PIP5K1C: variants seen among roughly 807,000 people sequenced by gnomAD.
PIP5K1C encodes the protein phosphatidylinositol 4-phosphate 5-kinase type-1 gamma.
Under a neutral mutation model 80.1 loss-of-function variants are expected in PIP5K1C, and 45 were observed. That is an observed-to-expected ratio of 0.56 (90% CI 0.44 to 0.72). The LOEUF is 0.72. PIP5K1C is among the 30% of genes least tolerant of loss of function. The pLI, the probability that PIP5K1C is intolerant of heterozygous loss-of-function variation, is 0.00. For missense variants in PIP5K1C, 753 were observed against 954.6 expected (o/e 0.79, Z 2.78); for synonymous variants, 498 against 420.1 (o/e 1.19, Z -2.27).
chr19:3,662,149 T>G, intron 3 of PIP5K1C, 148 bp from the exon 4 acceptor site: 1 of 976,864 alleles, frequency 1.0e-6, no homozygotes, highest in Non-Finnish European at 1.5e-6. Context: ...CGGGGCTGCC[T>G]GTCCTGCGGC....
chr19:3,685,813 G>T (rs894416968), intron 1 of PIP5K1C, among the ~76,000 whole-genome samples: 4 of 152,130 alleles, frequency 2.6e-5, no homozygotes, highest in Non-Finnish European at 5.9e-5. Flanking sequence ...TACAACCGCA[G>T]TGTGGAGGAG....
At chr19:3,660,876 C>T in intron 5 of PIP5K1C, 90 bp downstream of exon 5, 1 of 996,222 alleles carries the variant, frequency 1.0e-6, no homozygotes, top group Non-Finnish European at 1.6e-6. Context: ...CCCAGGGAGG[C>T]TGCCCCCAAA....
intron 5 of PIP5K1C, among the ~76,000 whole-genome samples, chr19:3,660,661 A>G (rs1432133265): frequency 6.6e-6 from 1 of 152,120 alleles, no homozygotes; most frequent in Non-Finnish European, 1.5e-5. Flanking sequence ...AGAAGACTAT[A>G]CCAACTGTTT....
In PIP5K1C at chr19:3,687,499, G is replaced by A. The variant is rs193248981; in HGVS notation, c.94+12798C>T. The stretch of plus-strand genomic sequence containing the variant: ...GAAGGGGACACAGACGCACATACAC[G>A]CACACATGCACATACATGCACACAT... On this transcript the variant is annotated intron_variant, in intron 1 of 17. Coordinates refer to ENST00000335312, the MANE Select transcript of PIP5K1C (RefSeq NM_012398.3). Among the ~76,000 whole-genome samples, 1,237 of 151,132 alleles carry A rather than the reference G, an allele frequency of 8.2e-3. 17 individuals are homozygous for A. Among genetic ancestry groups the A allele is most frequent in the African/African-American group, 0.028 (1,146 of 40,634 alleles).
chr19:3,645,455 C>G (rs531171053), intron 11 of PIP5K1C, among the ~76,000 whole-genome samples: 2 of 152,198 alleles, frequency 1.3e-5, no homozygotes, highest in African/African-American at 4.8e-5. Flanking sequence ...GGACCTCCCC[C>G]GGGCACCCTG....
chr19:3,700,267 G>A (rs2036255907), intron 1 of PIP5K1C, 30 bp downstream of exon 1: 4 of 1,179,596 alleles, frequency 3.4e-6, no homozygotes, highest in Admixed American at 3.9e-5. Flanking sequence ...GAGCCCAGCG[G>A]GCCGCAGCCC....
At chr19:3,634,473 C>G (rs1052343592) in intron 16 of PIP5K1C, among the ~76,000 whole-genome samples, 3 of 152,220 alleles carry the variant, frequency 2.0e-5, no homozygotes, top group Non-Finnish European at 2.9e-5. Context: ...GGCCTGGCCT[C>G]GGCCTGAAGT....
intron 1 of PIP5K1C, among the ~76,000 whole-genome samples, chr19:3,676,974 C>A (rs1258116455): frequency 6.6e-6 from 1 of 152,002 alleles, no homozygotes; most frequent in Non-Finnish European, 1.5e-5. Context: ...TGGTGGTGCA[C>A]ACCTGTATTT....
At position 3,656,531 on chromosome 19, in the gene PIP5K1C, G is replaced by A. The variant is rs115917402; in HGVS notation, c.495C>T (p.Ile165=). 18 of 1,613,708 alleles carry A rather than the reference G, an allele frequency of 1.1e-5. 1 individual carries two copies. Among genetic ancestry groups the A allele is most frequent in the East Asian group, 4.5e-5 (2 of 44,884 alleles). The change falls in exon 6 of 18, where the codon ATC becomes ATT. Residue 165 remains isoleucine (I), a synonymous_variant. Coordinates refer to ENST00000335312, the MANE Select transcript of PIP5K1C (RefSeq NM_012398.3). ...CACTGGCGCCCGGGTTGGACAGCTC[G>A]ATCAGCGGCTCATTGCACAGGGAGT... is the stretch of plus-strand genomic sequence containing the variant. ...YLYSLCNEPL[I]ELSNPGASGS... is the part of the protein sequence containing the mutation.
intron 1 of PIP5K1C, among the ~76,000 whole-genome samples, chr19:3,682,910 G>C (rs7257141): frequency 0.093 from 14,119 of 151,326 alleles, 829 homozygotes; most frequent in East Asian, 0.22. Flanking sequence ...TTGCTGGACA[G>C]AGGCCCAGAT....
intron 6 of PIP5K1C, 152 bp downstream of exon 6, chr19:3,656,253 G>T (rs950473619): frequency 3.8e-6 from 3 of 794,150 alleles, no homozygotes; most frequent in Non-Finnish European, 6.3e-6. Context: ...GCCTGACGGG[G>T]GACCCCCGAG....
intron 1 of PIP5K1C, among the ~76,000 whole-genome samples, chr19:3,697,464 AGGAGGACCGAGCTGGACCGG>A (rs1224441295): frequency 2.0e-5 from 3 of 147,944 alleles, no homozygotes; most frequent in Non-Finnish European, 3.0e-5. Context: ...AGCTGGACCG[AGGAGGACCGAGCTGGACCGG>A]GGAGGACCGA....
intron 15 of PIP5K1C, among the ~76,000 whole-genome samples, chr19:3,639,752 CT>C (rs1199500815): frequency 6.6e-6 from 1 of 152,150 alleles, no homozygotes; most frequent in African/African-American, 2.4e-5. Context: ...TCACTGAGCA[CT>C]TACTACATGC....
rs1392469486 is a variant in PIP5K1C at position 3,688,995 on chromosome 19, G to C, written c.94+11302C>G. On this transcript the variant is annotated intron_variant, in intron 1 of 17. Coordinates refer to ENST00000335312, the MANE Select transcript of PIP5K1C (RefSeq NM_012398.3). This position sits in a 1 kb window ranked among gnomAD's most constrained non-coding sequence, Gnocchi z 5.3. ...GGCGCACGCGGCCTATGGTCTGTGAGCTCCCTGTGGATAAATCAACAACAC... is the reference window on the plus strand; with the variant it reads ...GGCGCACGCGGCCTATGGTCTGTGACCTCCCTGTGGATAAATCAACAACAC... 6.6e-6 allele frequency among the ~76,000 whole-genome samples: 1 copy of C among 152,162 alleles called. No homozygotes were observed. Among genetic ancestry groups the C allele is most frequent in the East Asian group, 1.9e-4 (1 of 5,180 alleles).
intron 1 of PIP5K1C, among the ~76,000 whole-genome samples, chr19:3,699,715 C>T (rs913429910): frequency 6.6e-6 from 1 of 152,210 alleles, no homozygotes. Flanking sequence ...CCGTGCCCCC[C>T]GCCCAGCCCG....
intron 16 of PIP5K1C, chr19:3,636,595 A>G: frequency 3.0e-6 from 3 of 985,454 alleles, no homozygotes. Context: ...CAGCTCCTGG[A>G]CGATCTCCGG....
At chr19:3,658,257 C>G (rs890959160) in intron 5 of PIP5K1C, among the ~76,000 whole-genome samples, 3 of 152,240 alleles carry the variant, frequency 2.0e-5, no homozygotes, top group African/African-American at 7.2e-5. Context: ...CTTGGCAGCT[C>G]AGAACAGCGA....
chr19:3,687,636 A>G (rs889485997), intron 1 of PIP5K1C, among the ~76,000 whole-genome samples: 3 of 151,152 alleles, frequency 2.0e-5, no homozygotes, highest in African/African-American at 7.3e-5. Context: ...CTCAGAGGAC[A>G]CCACAGAACA....
At position 3,641,704 on chromosome 19, in the gene PIP5K1C, C is replaced by G; in HGVS notation, c.1787+1G>C. The G allele has an allele frequency of 6.2e-7, 1 of 1,606,100 alleles. No homozygotes were observed. Among genetic ancestry groups the G allele is most frequent in the Non-Finnish European group, 8.5e-7 (1 of 1,179,450 alleles). On this transcript the variant is annotated splice_donor_variant, in intron 15 of 17. Coordinates refer to ENST00000335312, the MANE Select transcript of PIP5K1C (RefSeq NM_012398.3). LOFTEE classifies it high-confidence loss of function. ...CGACCTCCCGCCGAGGCCGTGCTCA[C>G]CCTGCGTCCTCCTCTTTGGGGACCA...
Sources: allele counts gnomAD v4.1 joint callset (sites outside exome capture counted in the v4.1 genomes callset), GRCh38; gene constraint gnomAD v4.1.1; non-coding constraint Gnocchi (gnomAD v3.1); transcripts MANE v1.5; gene names NCBI Gene and HGNC (gene_info 2026-07-23, HGNC 2026-07-21).